The following STK3 variants were observed in gnomAD, a reference collection of about 807,000 sequenced individuals.
STK3 encodes the protein serine/threonine-protein kinase 3.
In STK3, 41 loss-of-function variants were observed where a neutral mutation model predicts 58.0. The observed-to-expected ratio is 0.71, with a 90% CI of 0.55 to 0.92. The LOEUF is 0.92. Ranked by LOEUF, STK3 falls within the 40% of genes least tolerant of loss-of-function variation. STK3 has a pLI of 0.00. For missense variants in STK3, 479 were observed against 602.7 expected, an observed-to-expected ratio of 0.79 and a Z score of 2.15; for synonymous variants, 170 against 191.0, an observed-to-expected ratio of 0.89 and a Z score of 0.91.
intron 6 of STK3, among the ~76,000 whole-genome samples, chr8:98,629,490 A>G (rs976684960): frequency 1.3e-5 from 2 of 152,200 alleles, no homozygotes; most frequent in African/African-American, 4.8e-5. Context: ...ACTTTAGAAC[A>G]TGGTCAAAAG....
chr8:98,904,759 C>T lies in STK3; in HGVS notation c.-78-20925G>A, dbSNP rs1838821895. ...TGGGGAGCATGGCTGCAGCATGACG[C>T]GGTTCCACAATAGGAGGAAGTGGTG... On this transcript the variant is annotated intron_variant, in intron 1 of 1. Coordinates refer to the STK3 transcript ENST00000519420. 4 of 771,384 alleles carry T rather than the reference C, an allele frequency of 5.2e-6. No individual in the cohort carries two copies. In the Admixed American group the frequency reaches 5.5e-5, roughly 11 times the overall value. 47.8% of individuals were successfully genotyped at this position (771,384 alleles called of 1,614,324 possible). A position where few individuals can be genotyped will look rare whatever the true frequency, so the allele number is the denominator to read the frequency against.
downstream of STK3, among the ~76,000 whole-genome samples, chr8:98,370,904 C>T (rs1021830971): frequency 6.6e-6 from 1 of 152,102 alleles, no homozygotes. Flanking sequence ...AATGCAGATG[C>T]TAGGACCATA....
intron 6 of STK3, among the ~76,000 whole-genome samples, chr8:98,697,230 T>C (rs1369515658): frequency 6.6e-6 from 1 of 152,242 alleles, no homozygotes; most frequent in African/African-American, 2.4e-5. Flanking sequence ...TTATTGTGTC[T>C]ATTTGATTCT....
chr8:98,627,266 C>G (rs987287699), intron 6 of STK3, among the ~76,000 whole-genome samples: 19 of 152,014 alleles, frequency 1.2e-4, no homozygotes, highest in African/African-American at 4.1e-4. Context: ...ATAATCCCAG[C>G]ACTTTGGGAG....
chr8:98,712,395 C>T (rs539620901), intron 4 of STK3, among the ~76,000 whole-genome samples: 12 of 152,156 alleles, frequency 7.9e-5, no homozygotes, highest in East Asian at 3.9e-4. Flanking sequence ...ACCCATCTCA[C>T]GAGCAGAGAC....
chr8:98,407,779 G>A (rs959701337), intron 3 of STK3, among the ~76,000 whole-genome samples: 4 of 151,142 alleles, frequency 2.6e-5, no homozygotes, highest in Admixed American at 6.6e-5. Flanking sequence ...CGCATGCATG[G>A]TATGACTACT....
At chr8:98,812,580 T>C (rs1035641960) in intron 1 of STK3, among the ~76,000 whole-genome samples, 3 of 152,202 alleles carry the variant, frequency 2.0e-5, no homozygotes, top group African/African-American at 4.8e-5. Context: ...TATAAAGACA[T>C]GCACACATAT....
chr8:98,723,006 G>A (rs1827548869), intron 4 of STK3: 1 of 372,900 alleles, frequency 2.7e-6, no homozygotes, highest in African/African-American at 2.2e-5. Flanking sequence ...GGACACCATT[G>A]ATTGGAATAC....
chr8:98,650,337 T>C (rs1370170723), intron 6 of STK3, among the ~76,000 whole-genome samples: 1 of 152,234 alleles, frequency 6.6e-6, no homozygotes, highest in East Asian at 1.9e-4. Context: ...ATGTTTACTT[T>C]TGAAGAATGG....
At chr8:98,625,075 G>A (rs1376910009) in intron 6 of STK3, among the ~76,000 whole-genome samples, 3 of 152,144 alleles carry the variant, frequency 2.0e-5, no homozygotes, top group Non-Finnish European at 4.4e-5. Flanking sequence ...AGACTGCTGA[G>A]TGTGAATCAG....
At chr8:98,519,846 C>T (rs1236607920) in intron 10 of STK3, among the ~76,000 whole-genome samples, 1 of 152,048 alleles carries the variant, frequency 6.6e-6, no homozygotes, top group Non-Finnish European at 1.5e-5. Context: ...GAAATGTTAA[C>T]TTACTATTCA....
chr8:98,786,810 A>T (rs1832485991), intron 1 of STK3, among the ~76,000 whole-genome samples: 1 of 152,196 alleles, frequency 6.6e-6, no homozygotes, highest in African/African-American at 2.4e-5. Context: ...GAGATAATAT[A>T]CAAATCCAGA....
chr8:98,694,514 G>C (rs999819561), intron 6 of STK3, among the ~76,000 whole-genome samples: 7 of 151,876 alleles, frequency 4.6e-5, no homozygotes, highest in Admixed American at 4.6e-4. Context: ...CCGCACCCCA[G>C]AACAGTCCCC....
At chr8:98,642,370 C>T (rs1021780257) in intron 6 of STK3, among the ~76,000 whole-genome samples, 1 of 82,994 alleles carries the variant, frequency 1.2e-5, no homozygotes, top group African/African-American at 3.8e-5. Context: ...CCATCCTTAT[C>T]TCTTATTCAC....
intron 4 of STK3, among the ~76,000 whole-genome samples, chr8:98,744,758 T>C (rs1438200224): frequency 6.6e-6 from 1 of 152,084 alleles, no homozygotes; most frequent in East Asian, 1.9e-4. Flanking sequence ...CATATTTCTG[T>C]TGCAGAAGCA....
chr8:98,512,128 C>T (rs555861108), intron 10 of STK3, among the ~76,000 whole-genome samples: 164 of 152,074 alleles, frequency 1.1e-3, no homozygotes, highest in African/African-American at 3.6e-3. Context: ...CTCCTCCCCC[C>T]ACCACACAAC....
At chr8:98,630,468 C>A (rs1018107309) in intron 6 of STK3, among the ~76,000 whole-genome samples, 8 of 151,884 alleles carry the variant, frequency 5.3e-5, no homozygotes, top group African/African-American at 1.9e-4. Flanking sequence ...ACAATGAGAC[C>A]CCATCTCCAC....
At chr8:98,688,140 CTT>C (rs1824143204) in intron 6 of STK3, among the ~76,000 whole-genome samples, 1 of 148,158 alleles carries the variant, frequency 6.7e-6, no homozygotes, top group Non-Finnish European at 1.5e-5. Context: ...ATAAAATAGA[CTT>C]TAAACAAACG....
At chr8:98,517,925 A>G (rs1334018561) in intron 10 of STK3, among the ~76,000 whole-genome samples, 1 of 152,148 alleles carries the variant, frequency 6.6e-6, no homozygotes, top group African/African-American at 2.4e-5. Context: ...GAAAGCCCAC[A>G]TAGTCAAAAT....
Sources: allele counts gnomAD v4.1 joint callset (sites outside exome capture counted in the v4.1 genomes callset), GRCh38; gene constraint gnomAD v4.1.1; transcripts MANE v1.5; gene names NCBI Gene and HGNC (gene_info 2026-07-23, HGNC 2026-07-21).